The following IGFBP2 variants were observed in gnomAD, a reference collection of about 807,000 sequenced individuals.
IGFBP2 encodes insulin-like growth factor-binding protein 2.
IGFBP2 carries 12 observed loss-of-function variants against 26.2 expected under a neutral mutation model. The ratio of observed to expected loss-of-function variants is 0.46; its 90% CI spans 0.29 to 0.74. The LOEUF (loss-of-function observed/expected upper bound fraction) is 0.74, where lower values mean the gene tolerates loss of function less well. Ranked by LOEUF, IGFBP2 falls within the 30% of genes least tolerant of loss-of-function variation. The pLI, the probability that IGFBP2 is intolerant of heterozygous loss-of-function variation, is 0.09. For missense variants in IGFBP2, 328 were observed against 441.2 expected (o/e 0.74, Z 2.30); for synonymous variants, 189 against 200.6 (o/e 0.94, Z 0.49).
chr2:216,652,809 A>T (rs1278319788), intron 1 of IGFBP2, among the ~76,000 whole-genome samples: 4 of 152,214 alleles, frequency 2.6e-5, no homozygotes, highest in Admixed American at 6.5e-5. Flanking sequence ...AGCTGCGGCC[A>T]GCCTTCATTC....
In IGFBP2 at chr2:216,634,906, T is replaced by TTTTTTTTA. The variant is rs371560018; in HGVS notation, c.442+941_442+942insTTTTTTTA. Among the ~76,000 whole-genome samples, 389 of 128,506 alleles carry TTTTTTTTA rather than the reference T, an allele frequency of 3.0e-3. 9 individuals carry two copies. The highest frequency in any genetic ancestry group is 4.0e-3 in the African/African-American group (141 of 35,410). The allele number at this position is 128,506 out of a possible 152,430, so 84.3% of individuals were successfully genotyped here. A position where few individuals can be genotyped will look rare whatever the true frequency, so the allele number is the denominator to read the frequency against. ...TAAGGAGGTTACTTTTTTTTTTTTTTAATTACGAAAGCCTCCTGCCCCAGT... is the reference window on the plus strand; with the variant it reads ...TAAGGAGGTTACTTTTTTTTTTTTTTTTTTTTTAAATTACGAAAGCCTCCTGCCCCAGT... On this transcript the variant is annotated intron_variant, in intron 1 of 3. Transcript: ENST00000233809.
At position 216,647,695 on chromosome 2, in the gene IGFBP2, AT is replaced by A. The variant is rs370380973; in HGVS notation, c.443-12856del. On this transcript the variant is annotated intron_variant, in intron 1 of 3. Transcript: ENST00000233809. ...CCACCACGCCTGGCTAATTTTTTGT[AT>A]TTTTTAGTAGAGACGGGGTTTCACC... 3.8e-3 allele frequency among the ~76,000 whole-genome samples: 583 copies of A among 151,652 alleles called. 2 individuals are homozygous for A. The highest frequency in any genetic ancestry group is 9.6e-3 in the African/African-American group (396 of 41,350).
rs937419999 is a variant in IGFBP2, at chr2:216,652,827, C to G, written c.443-7730C>G. Among the ~76,000 whole-genome samples the G allele has an allele frequency of 2.6e-5, 4 of 152,180 alleles. No homozygotes were observed. The East Asian group carries it at 5.8e-4, about 22-fold the overall frequency. On this transcript the variant is annotated intron_variant, in intron 1 of 3. Transcript: ENST00000233809. ...TGCGGCCAGCCTTCATTCCCCTGGC[C>G]CATTACTCAGAATTAACTCTTGAAA...
In IGFBP2 at chr2:216,663,973, T is replaced by C; in HGVS notation, c.847T>C (p.Cys283Arg). 6.2e-7 allele frequency: 1 copy of C among 1,613,988 alleles called. No homozygotes were observed. Among genetic ancestry groups the C allele is most frequent in the Non-Finnish European group, 8.5e-7 (1 of 1,180,012 alleles). ...KMSLNGQRGE[C>R]WCVNPNTGKL... is the part of the protein sequence containing the mutation. ...GTCTCTGAACGGGCAGCGTGGGGAGTGCTGGTGTGTGAACCCCAACACCGG... is the reference window on the plus strand; with the variant it reads ...GTCTCTGAACGGGCAGCGTGGGGAGCGCTGGTGTGTGAACCCCAACACCGG... The change falls in exon 4 of 4, where the codon TGC becomes CGC. Residue 283 changes from cysteine to arginine, a missense_variant. Physicochemically the swap from Cys to Arg is radical, Grantham distance 180. Transcript: ENST00000233809.
At chr2:216,640,200 C>T (rs1012757409) in intron 1 of IGFBP2, among the ~76,000 whole-genome samples, 9 of 152,078 alleles carry the variant, frequency 5.9e-5, no homozygotes, top group African/African-American at 2.2e-4. Flanking sequence ...CCTCAGAGAT[C>T]CATCCAATCA....
In IGFBP2 at chr2:216,660,639, T is replaced by A; in HGVS notation, c.525T>A (p.Ser175Arg). 1 of 1,613,952 alleles carries A rather than the reference T, an allele frequency of 6.2e-7. No homozygotes were observed. Among genetic ancestry groups the A allele is most frequent in the Non-Finnish European group, 8.5e-7 (1 of 1,179,994 alleles). The change falls in exon 2 of 4, where the codon AGT becomes AGA. Residue 175 changes from serine (S) to arginine (R), a missense_variant. Physicochemically the swap from Ser to Arg is moderately radical, Grantham distance 110. Coordinates refer to ENST00000233809, the MANE Select transcript of IGFBP2 (RefSeq NM_000597.3). ...STMNMLGGGG[S>R]AGRKPLKSGM... Reference sequence around the variant, plus strand: ...TGAACATGTTGGGCGGGGGAGGCAGTGCTGGCCGGAAGCCCCTCAAGTCGG... The same window carrying A: ...TGAACATGTTGGGCGGGGGAGGCAGAGCTGGCCGGAAGCCCCTCAAGTCGG...
rs1305728026 is a variant in IGFBP2 at position 216,664,395 on chromosome 2, CCT to C, written c.*292_*293del. On this transcript the variant is annotated 3_prime_UTR_variant, in exon 4 of 4. Coordinates refer to ENST00000233809, the MANE Select transcript of IGFBP2 (RefSeq NM_000597.3). This position sits in a 1 kb window ranked among gnomAD's most constrained non-coding sequence, Gnocchi z 4.6. ...GAAGAGAAATTTTTATTTTTGAACCCCTGTGTCCCTTTTGCATAAGATTAAAG... is the reference window on the plus strand; with the variant it reads ...GAAGAGAAATTTTTATTTTTGAACCCGTGTCCCTTTTGCATAAGATTAAAG... 2 of 280,006 alleles carry C rather than the reference CCT, an allele frequency of 7.1e-6. No homozygotes were observed. The highest frequency in any genetic ancestry group is 6.7e-6 in the Non-Finnish European group (1 of 149,864). 17.3% of individuals were successfully genotyped at this position (280,006 alleles called of 1,614,324 possible).
chr2:216,662,323 C>T, intron 3 of IGFBP2: 1 of 315,604 alleles, frequency 3.2e-6, no homozygotes, highest in East Asian at 7.2e-5. Flanking sequence ...TTGACATCAC[C>T]TGGAGCTCTT....
Position 216,664,037 on chromosome 2 carries a change from C to T in IGFBP2, c.911C>T (p.Pro304Leu). 1 of 1,614,030 alleles carries T rather than the reference C, an allele frequency of 6.2e-7. No individual in the cohort carries two copies. Among genetic ancestry groups the T allele is most frequent in the Non-Finnish European group, 8.5e-7 (1 of 1,179,998 alleles). Reference protein sequence around the residue: ...IQGAPTIRGDPECHLFYNEQQ... With the variant: ...IQGAPTIRGDLECHLFYNEQQ... Reference sequence around the variant, plus strand: ...GGAGCCCCCACCATCCGGGGGGACCCCGAGTGTCATCTCTTCTACAATGAG... The same window carrying T: ...GGAGCCCCCACCATCCGGGGGGACCTCGAGTGTCATCTCTTCTACAATGAG... The change falls in exon 4 of 4, where the codon CCC (proline) becomes CTC (leucine). Residue 304 changes from proline (P) to leucine (L), a missense_variant. Transcript: ENST00000233809. This position sits in a 1 kb window ranked among gnomAD's most constrained non-coding sequence, Gnocchi z 4.6.
chr2:216,653,051 C>G (rs1355993666), intron 1 of IGFBP2, among the ~76,000 whole-genome samples: 1 of 152,160 alleles, frequency 6.6e-6, no homozygotes, highest in African/African-American at 2.4e-5. Flanking sequence ...AGAAGAGAGA[C>G]ACATGAGCTG....
rs1427509222 is a variant in IGFBP2, at chr2:216,661,841, G to A, written c.673-17G>A. On this transcript the variant is annotated splice_polypyrimidine_tract_variant and intron_variant, in intron 2 of 3. Coordinates refer to ENST00000233809, the MANE Select transcript of IGFBP2 (RefSeq NM_000597.3). ...GCTGTCCTCACTCCGGGCGTCCCCT[G>A]CTGTCTGTGCGTGCAGACTCCCTGC... 2 of 1,613,944 alleles carry A rather than the reference G, an allele frequency of 1.2e-6. No individual in the cohort carries two copies. The highest frequency in any genetic ancestry group is 4.5e-5 in the East Asian group (2 of 44,882).
chr2:216,635,512 G>C (rs187318033), intron 1 of IGFBP2, among the ~76,000 whole-genome samples: 1 of 152,264 alleles, frequency 6.6e-6, no homozygotes, highest in Non-Finnish European at 1.5e-5. Context: ...TCCTCAGCAG[G>C]GTGAACTTTT....
chr2:216,652,712 AC>A (rs1697851754), intron 1 of IGFBP2, among the ~76,000 whole-genome samples: 1 of 152,210 alleles, frequency 6.6e-6, no homozygotes, highest in African/African-American at 2.4e-5. Context: ...CTGTTGCCCA[AC>A]ATATGTCAAG....
rs538349571 is a variant in IGFBP2 at position 216,636,600 on chromosome 2, C to T, written c.442+2635C>T. ...GGGTGGGTAGGCCTAGAAGAAAAAC[C>T]GAAAGGAGACCCTGAGATCTGCTTG... On this transcript the variant is annotated intron_variant, in intron 1 of 3. Coordinates refer to ENST00000233809, the MANE Select transcript of IGFBP2 (RefSeq NM_000597.3). Among the ~76,000 whole-genome samples, 3 of 152,148 alleles carry T rather than the reference C, an allele frequency of 2.0e-5. No homozygotes were observed. The East Asian group carries it at 5.8e-4, about 29-fold the overall frequency.
intron 1 of IGFBP2, among the ~76,000 whole-genome samples, chr2:216,639,935 A>G (rs1053535171): frequency 6.6e-6 from 1 of 152,042 alleles, no homozygotes; most frequent in Admixed American, 6.6e-5. Flanking sequence ...GAACCACTGC[A>G]CCTGGCCTAT....
intron 1 of IGFBP2, among the ~76,000 whole-genome samples, chr2:216,654,528 A>T (rs9341183): frequency 0.012 from 1,873 of 152,330 alleles, 12 homozygotes; most frequent in Non-Finnish European, 0.02. Context: ...TTGGCTGGGA[A>T]CAGTAACAAG....
At chr2:216,640,316 C>T (rs749573067) in intron 1 of IGFBP2, among the ~76,000 whole-genome samples, 4 of 152,124 alleles carry the variant, frequency 2.6e-5, no homozygotes, top group Non-Finnish European at 5.9e-5. Context: ...CTTCTATAGG[C>T]CAGGGAATGG....
intron 1 of IGFBP2, among the ~76,000 whole-genome samples, chr2:216,635,085 C>G (rs925572360): frequency 3.3e-5 from 5 of 151,112 alleles, no homozygotes; most frequent in South Asian, 4.2e-4. Context: ...TTTTTAGCTT[C>G]TGAGGTCTTC....
chr2:216,644,967 G>A (rs9341142), intron 1 of IGFBP2, among the ~76,000 whole-genome samples: 2,321 of 152,280 alleles, frequency 0.015, 35 homozygotes, highest in African/African-American at 0.033. Flanking sequence ...CCTTTTCCCT[G>A]GGAAGTAGTA....
Sources: allele counts gnomAD v4.1 joint callset (sites outside exome capture counted in the v4.1 genomes callset), GRCh38; gene constraint gnomAD v4.1.1; non-coding constraint Gnocchi (gnomAD v3.1); transcripts MANE v1.5; gene names NCBI Gene and HGNC (gene_info 2026-07-23, HGNC 2026-07-21).